The following CLASP1 variants were observed in gnomAD, a reference collection of about 807,000 sequenced individuals.
CLASP1 encodes CLIP-associating protein 1.
A neutral mutation model predicts 192.3 loss-of-function variants in CLASP1; 38 were observed. That is an observed-to-expected ratio of 0.20 (90% CI 0.15 to 0.26). The LOEUF is 0.26. CLASP1 is among the 10% of genes least tolerant of loss of function. CLASP1 has a pLI of 1.00. For missense variants in CLASP1, 1,433 were observed against 1,932.5 expected (o/e 0.74, Z 4.85); for synonymous variants, 691 against 712.8 (o/e 0.97, Z 0.49).
chr2:121,455,339 A>ATAT (rs2086403799), intron 14 of CLASP1, among the ~76,000 whole-genome samples: 1 of 152,308 alleles, frequency 6.6e-6, no homozygotes, highest in East Asian at 1.9e-4. Flanking sequence ...TGTTGAAGAG[A>ATAT]TATCTGAACT....
chr2:121,533,229 A>G (rs909023561), intron 2 of CLASP1, among the ~76,000 whole-genome samples: 2 of 152,194 alleles, frequency 1.3e-5, no homozygotes, highest in African/African-American at 2.4e-5. Flanking sequence ...CCCCAGAGAA[A>G]TAGGACAGGA....
intron 2 of CLASP1, among the ~76,000 whole-genome samples, chr2:121,571,448 A>G (rs1258245189): frequency 6.6e-6 from 1 of 152,220 alleles, no homozygotes; most frequent in Non-Finnish European, 1.5e-5. Context: ...TATGCTGGGT[A>G]CTGCTGTGCA....
intron 2 of CLASP1, among the ~76,000 whole-genome samples, chr2:121,586,519 A>G (rs1438831997): frequency 6.6e-6 from 1 of 152,218 alleles, no homozygotes; most frequent in Non-Finnish European, 1.5e-5. Flanking sequence ...AGTAATCCCT[A>G]TAATTCTCTC....
chr2:121,491,389 G>A (rs201862967), intron 8 of CLASP1, among the ~76,000 whole-genome samples: 2 of 152,242 alleles, frequency 1.3e-5, no homozygotes, highest in East Asian at 3.9e-4. Flanking sequence ...AAACTCAAAA[G>A]CATGTGTATT....
In CLASP1 at chr2:121,635,209, T is replaced by TA. The variant is rs776754807; in HGVS notation, c.-286+14162dup. On this transcript the variant is annotated intron_variant, in intron 1 of 39. Transcript: ENST00000263710. ...GGGCAACAAAGCGAGATTGCGTCTG[T>TA]AAAAAAAAAAAAGAAAAGAAAAGAA... Among the ~76,000 whole-genome samples, 765 of 136,976 alleles carry TA rather than the reference T, an allele frequency of 5.6e-3. 4 individuals carry two copies. Among genetic ancestry groups the TA allele is most frequent in the African/African-American group, 0.017 (622 of 36,590 alleles). The allele number at this position is 136,976 out of a possible 152,430, so 89.9% of individuals were successfully genotyped here.
intron 17 of CLASP1, among the ~76,000 whole-genome samples, chr2:121,448,541 A>G (rs1379106532): frequency 6.6e-6 from 1 of 152,246 alleles, no homozygotes; most frequent in African/African-American, 2.4e-5. Context: ...TGAAATAGTA[A>G]CTACAGACAG....
exon 39 of CLASP1, chr2:121,347,068 T>C: frequency 6.3e-7 from 1 of 1,581,898 alleles, no homozygotes; most frequent in Non-Finnish European, 8.6e-7. Flanking sequence ...CAAGGTGAGG[T>C]TTCAGGTCTT....
At chr2:121,474,263 C>T (rs1051388886) in intron 8 of CLASP1, among the ~76,000 whole-genome samples, 1 of 152,108 alleles carries the variant, frequency 6.6e-6, no homozygotes, top group Non-Finnish European at 1.5e-5. Flanking sequence ...AAGTAAGGCA[C>T]AGGGAAGGCA....
chr2:121,607,271 G>A (rs558410444), intron 1 of CLASP1, among the ~76,000 whole-genome samples: 24 of 151,480 alleles, frequency 1.6e-4, no homozygotes, highest in African/African-American at 5.3e-4. Context: ...TCCAGGAGAC[G>A]GAGGTTGCGG....
intron 1 of CLASP1, among the ~76,000 whole-genome samples, chr2:121,629,977 GT>G (rs2069180114): frequency 6.6e-6 from 1 of 151,948 alleles, no homozygotes; most frequent in Non-Finnish European, 1.5e-5. Context: ...CTGGACTGCA[GT>G]GATGCAATCT....
chr2:121,457,099 A>G (rs2086825511), intron 14 of CLASP1, among the ~76,000 whole-genome samples: 1 of 152,192 alleles, frequency 6.6e-6, no homozygotes, highest in East Asian at 1.9e-4. Context: ...GCCAGGACAT[A>G]TAAGATAGGG....
chr2:121,394,854 TG>T (rs1205683576), intron 30 of CLASP1, among the ~76,000 whole-genome samples: 1 of 152,234 alleles, frequency 6.6e-6, no homozygotes, highest in Non-Finnish European at 1.5e-5. Flanking sequence ...CACTCCAGCC[TG>T]GGTGACAGAG....
intron 37 of CLASP1, among the ~76,000 whole-genome samples, chr2:121,349,198 C>T (rs1416566396): frequency 6.6e-6 from 1 of 151,802 alleles, no homozygotes; most frequent in Non-Finnish European, 1.5e-5. Flanking sequence ...CAAGATCGCG[C>T]CACCGCACTC....
chr2:121,486,062 A>T (rs1229658682), intron 8 of CLASP1, among the ~76,000 whole-genome samples: 4 of 152,196 alleles, frequency 2.6e-5, no homozygotes, highest in Admixed American at 6.5e-5. Context: ...AATGTGTGCA[A>T]GCTCCCTGGG....
intron 10 of CLASP1, 111 bp from the exon 11 acceptor site, chr2:121,461,304 T>A (rs2087888616): frequency 1.6e-6 from 1 of 632,088 alleles, no homozygotes; most frequent in African/African-American, 1.9e-5. Flanking sequence ...ATTATTTTTT[T>A]AAGAAATACC....
chr2:121,606,586 TA>T (rs991701018), intron 1 of CLASP1, among the ~76,000 whole-genome samples: 1 of 151,436 alleles, frequency 6.6e-6, no homozygotes, highest in Admixed American at 6.6e-5. Context: ...CTCAGTCTTC[TA>T]AAAAAAAACC....
intron 24 of CLASP1, among the ~76,000 whole-genome samples, chr2:121,410,536 G>GA (rs896666720): frequency 2.2e-4 from 33 of 149,616 alleles, no homozygotes; most frequent in Admixed American, 5.3e-4. Context: ...GGAAATGCCA[G>GA]AAAAAAAAAC....
chr2:121,577,250 G>T (rs1370673858), intron 2 of CLASP1, among the ~76,000 whole-genome samples: 2 of 151,234 alleles, frequency 1.3e-5, no homozygotes, highest in Non-Finnish European at 2.9e-5. Flanking sequence ...ATGACAAAAG[G>T]TTGGGAAAAA....
chr2:121,354,111 A>T (rs1274153347), intron 37 of CLASP1, among the ~76,000 whole-genome samples: 3 of 152,158 alleles, frequency 2.0e-5, no homozygotes, highest in Admixed American at 6.5e-5. Flanking sequence ...CATGACTCAC[A>T]AAGTCACATC....
Sources: gnomAD v4.1 joint callset for allele counts (sites outside exome capture counted in the v4.1 genomes callset) on GRCh38, gnomAD v4.1.1 for gene constraint, MANE v1.5 for transcripts, NCBI Gene and HGNC (gene_info 2026-07-23, HGNC 2026-07-21) for gene names.